Variants in MDN1 observed in about 807,000 individuals in gnomAD.
MDN1 encodes the protein midasin.
MDN1 carries 266 observed loss-of-function variants against 669.2 expected under a neutral mutation model. The ratio of observed to expected loss-of-function variants is 0.40; its 90% CI spans 0.36 to 0.44. The LOEUF is 0.44. Ranked by LOEUF, MDN1 falls within the 20% of genes least tolerant of loss-of-function variation. MDN1 has a pLI of 1.00. For missense variants in MDN1, 5,940 were observed against 6,754.0 expected, an observed-to-expected ratio of 0.88 and a Z score of 4.22; for synonymous variants, 2,385 against 2,457.1, an observed-to-expected ratio of 0.97 and a Z score of 0.87.
Position 89,696,566 on chromosome 6 carries a change from G to T in MDN1, c.9177C>A (p.Gly3059=), listed in dbSNP as rs1222757451. The T allele has an allele frequency of 1.2e-6, 2 of 1,613,450 alleles. No homozygotes were observed. The highest frequency in any genetic ancestry group is 2.2e-5 in the South Asian group (2 of 91,050). ...SVLDSTLKGP[G]NLNRPIFSKC... is the part of the protein sequence containing the mutation. ...TAGAGAATATGGGTCTATTGAGATT[G>T]CCGGGGCCCTAAAGGACAAGAGAAG... The change falls in exon 60 of 102, where the codon GGC becomes GGA. Residue 3059 remains glycine (G), a synonymous_variant. Transcript: ENST00000369393.
Position 89,794,728 on chromosome 6 carries a change from G to A in MDN1, c.403C>T (p.Pro135Ser). The A allele has an allele frequency of 6.2e-7, 1 of 1,614,204 alleles. No homozygotes were observed. Among genetic ancestry groups the A allele is most frequent in the Non-Finnish European group, 8.5e-7 (1 of 1,180,044 alleles). Residue 135 changes from proline (P) to serine (S), a missense_variant, in exon 3 of 102, where the codon CCA (proline) becomes TCA (serine). Pro to Ser is a moderately conservative substitution (Grantham distance 74, BLOSUM62 -1). This residue lies in a region of MDN1 where 1,203 missense variants were observed against 1,268.9 expected (regional missense o/e 0.95). Coordinates refer to ENST00000369393, the MANE Select transcript of MDN1 (RefSeq NM_014611.3). ...RLFLESSDAN[P>S]VRYGRRRMKL... ...ATCCTCCTACGTCCATAGCGTACTG[G>A]ATTAGCATCTGAACTCTCTAGGAAA... is the stretch of plus-strand genomic sequence containing the variant.
rs759284943 is a variant in MDN1, at chr6:89,718,341, G to A, written c.6583+25C>T. The stretch of plus-strand genomic sequence containing the variant: ...ACAATATAAGCAATGGTAAGTTCCT[G>A]ATACAGAGATCCAAATATACATACC... On this transcript the variant is annotated intron_variant, in intron 43 of 101. Coordinates refer to ENST00000369393, the MANE Select transcript of MDN1 (RefSeq NM_014611.3). 3.3e-5 allele frequency: 53 copies of A among 1,604,848 alleles called. No individual in the cohort carries two copies. The Admixed American group carries it at 7.7e-4, about 23-fold the overall frequency.
chr6:89,753,167 T>C (rs941489979), intron 22 of MDN1, among the ~76,000 whole-genome samples: 3 of 152,050 alleles, frequency 2.0e-5, no homozygotes, highest in Non-Finnish European at 4.4e-5. Flanking sequence ...AATATTCTTA[T>C]AAGACAGTCC....
At chr6:89,771,773 A>AGC in intron 14 of MDN1, 152 bp from the exon 15 acceptor site, 9 of 641,590 alleles carry the variant, frequency 1.4e-5, no homozygotes, top group South Asian at 6.2e-5. Context: ...CAGTGGCCCA[A>AGC]TCATGGCTCA....
chr6:89,803,578 C>G, intron 1 of MDN1, 24 bp from the exon 2 acceptor site: 1 of 1,497,484 alleles, frequency 6.7e-7, no homozygotes, highest in Non-Finnish European at 9.2e-7. Context: ...AACAAAACAT[C>G]TTTCACTTTT....
chr6:89,654,466 A>T (rs1273718975), intron 92 of MDN1, 132 bp from the exon 93 acceptor site: 1 of 1,184,238 alleles, frequency 8.4e-7, no homozygotes, highest in East Asian at 2.3e-5. Flanking sequence ...CTGACCAGCT[A>T]TGTGGCTTGG....
intron 31 of MDN1, among the ~76,000 whole-genome samples, chr6:89,741,606 T>C (rs1816303360): frequency 6.6e-6 from 1 of 152,202 alleles, no homozygotes. Context: ...ATCTCTATTA[T>C]AAAACCTAAG....
Position 89,650,088 on chromosome 6 carries a change from C to A in MDN1, c.16142G>T (p.Arg5381Leu), listed in dbSNP as rs774329090. The A allele has an allele frequency of 9.3e-6, 15 of 1,613,972 alleles. No individual in the cohort carries two copies. Among genetic ancestry groups the A allele is most frequent in the Middle Eastern group, 1.6e-4 (1 of 6,084 alleles). ...IWLRRTKPSK[R>L]QYQICLAIDD... The stretch of plus-strand genomic sequence containing the variant: ...GATAGCCAAACAAATCTGATACTGG[C>A]GTTTACTGGGCTTGGTCCTTCGAAG... Residue 5381 changes from arginine to leucine, a missense_variant, in exon 97 of 102, where the codon CGC (arginine) becomes CTC (leucine). This residue lies in a region of MDN1 where 2,280 missense variants were observed against 2,576.3 expected (regional missense o/e 0.88). Transcript: ENST00000369393.
chr6:89,724,214 G>A (rs1815044617), intron 38 of MDN1, among the ~76,000 whole-genome samples: 1 of 152,072 alleles, frequency 6.6e-6, no homozygotes, highest in Non-Finnish European at 1.5e-5. Context: ...TTTAAATCTG[G>A]GTGGTAGATA....
At chr6:89,709,155 C>G (rs1225109091) in intron 50 of MDN1, among the ~76,000 whole-genome samples, 1 of 152,138 alleles carries the variant, frequency 6.6e-6, no homozygotes, top group South Asian at 2.1e-4. Flanking sequence ...TTCTGTGAAG[C>G]AGCAGGAGGA....
chr6:89,775,177 A>C (rs1333457032), intron 12 of MDN1, among the ~76,000 whole-genome samples: 2 of 152,198 alleles, frequency 1.3e-5, no homozygotes, highest in East Asian at 3.8e-4. Context: ...ATGTCTACCC[A>C]ACAGCCATTC....
chr6:89,791,025 A>C (rs1318439779), intron 5 of MDN1, among the ~76,000 whole-genome samples: 1 of 152,218 alleles, frequency 6.6e-6, no homozygotes, highest in African/African-American at 2.4e-5. Flanking sequence ...TCCGCCTCAA[A>C]ATAAATAAAT....
intron 28 of MDN1, 35 bp downstream of exon 28, chr6:89,745,457 A>G: frequency 6.2e-7 from 1 of 1,613,880 alleles, no homozygotes; most frequent in Non-Finnish European, 8.5e-7. Context: ...AGTACAACTC[A>G]AATCATATTC....
In MDN1 at chr6:89,713,310, A is replaced by G. The variant is rs781013737; in HGVS notation, c.7070-14T>C. The G allele has an allele frequency of 9.4e-6, 15 of 1,600,714 alleles. No homozygotes were observed. In the South Asian group the frequency reaches 1.7e-4, roughly 18 times the overall value. The stretch of plus-strand genomic sequence containing the variant: ...ATGTTGGAGAACCTATTAAAAAAAA[A>G]TTGCCATCTATAAACAATAGAGTCT... On this transcript the variant is annotated splice_polypyrimidine_tract_variant and intron_variant, in intron 46 of 101. Coordinates refer to ENST00000369393, the MANE Select transcript of MDN1 (RefSeq NM_014611.3).
intron 2 of MDN1, chr6:89,797,580 T>C (rs925138395): frequency 5.0e-6 from 2 of 397,594 alleles, no homozygotes; most frequent in African/African-American, 2.1e-5. Flanking sequence ...AGTACAGTAG[T>C]AGCAGTTGGA....
In MDN1 at chr6:89,690,163, A is replaced by G. The variant is rs757418656; in HGVS notation, c.10750-20T>C. 2.5e-6 allele frequency: 4 copies of G among 1,605,258 alleles called. No homozygotes were observed. The African/African-American group carries it at 4.0e-5, about 16-fold the overall frequency. On this transcript the variant is annotated intron_variant, in intron 64 of 101. Coordinates refer to ENST00000369393, the MANE Select transcript of MDN1 (RefSeq NM_014611.3). ...AAAGTCCTATAAATAGCATTAGAGC[A>G]ATTGAACTTTTAAAAATCAGAATCT...
intron 54 of MDN1, 26 bp from the exon 55 acceptor site, chr6:89,701,704 G>C (rs374102096): frequency 1.9e-5 from 31 of 1,602,930 alleles, no homozygotes; most frequent in Non-Finnish European, 2.6e-5. Context: ...AGGGCACAGG[G>C]GAAATAAGGA....
At chr6:89,770,504 TCAAA>T (rs370924389) in intron 15 of MDN1, among the ~76,000 whole-genome samples, 35 of 152,006 alleles carry the variant, frequency 2.3e-4, no homozygotes, top group Non-Finnish European at 4.9e-4. Context: ...GCCAAGTTCC[TCAAA>T]CAACCAACTA....
chr6:89,743,845 G>A lies in MDN1; in HGVS notation c.4179-131C>T. ...GCAGTAAACAGTGCTGGCCAATGTG[G>A]AACCTCAACCCCAGGCTCATGGCAC... On this transcript the variant is annotated intron_variant, in intron 29 of 101. Transcript: ENST00000369393. 4 of 967,854 alleles carry A rather than the reference G, an allele frequency of 4.1e-6. No homozygotes were observed. The East Asian group carries it at 9.7e-5, about 24-fold the overall frequency. 60.0% of individuals were successfully genotyped at this position (967,854 alleles called of 1,614,324 possible). A position where few individuals can be genotyped will look rare whatever the true frequency, so the allele number is the denominator to read the frequency against.
Sources: gnomAD v4.1 joint callset for allele counts (sites outside exome capture counted in the v4.1 genomes callset) on GRCh38, gnomAD v4.1.1 for gene constraint, gnomAD v4.1.1 regional missense constraint, MANE v1.5 for transcripts, NCBI Gene and HGNC (gene_info 2026-07-23, HGNC 2026-07-21) for gene names.